APBA1: variants seen among roughly 807,000 people sequenced by gnomAD.
APBA1 encodes the protein amyloid beta precursor protein binding family A member 1.
APBA1 carries 55 observed loss-of-function variants against 86.6 expected under a neutral mutation model. The observed-to-expected ratio is 0.64, with a 90% CI of 0.51 to 0.80. The LOEUF (loss-of-function observed/expected upper bound fraction) is 0.80, where lower values mean the gene tolerates loss of function less well. Ranked by LOEUF, APBA1 falls within the 30% of genes least tolerant of loss-of-function variation. The pLI, the probability that APBA1 is intolerant of heterozygous loss-of-function variation, is 0.00. For missense variants in APBA1, 1,090 were observed against 1,183.0 expected, an observed-to-expected ratio of 0.92 and a Z score of 1.15; for synonymous variants, 511 against 493.9, an observed-to-expected ratio of 1.03 and a Z score of -0.46.
At chr9:69,594,005 T>C (rs1350974363) in intron 1 of APBA1, among the ~76,000 whole-genome samples, 1 of 152,182 alleles carries the variant, frequency 6.6e-6, no homozygotes, top group African/African-American at 2.4e-5. Context: ...GCGTTGGATC[T>C]TCTGGCGTTA....
At chr9:69,549,033 A>G (rs567140696) in intron 1 of APBA1, among the ~76,000 whole-genome samples, 2 of 152,356 alleles carry the variant, frequency 1.3e-5, no homozygotes, top group Non-Finnish European at 2.9e-5. Flanking sequence ...ATGGGCATGC[A>G]GGGAAATCAC....
chr9:69,661,422 A>T (rs1192100985), intron 1 of APBA1, among the ~76,000 whole-genome samples: 3 of 152,204 alleles, frequency 2.0e-5, no homozygotes, highest in Non-Finnish European at 4.4e-5. Flanking sequence ...TGGGAAGGGC[A>T]GGTTTCATCA....
intron 2 of APBA1, among the ~76,000 whole-genome samples, chr9:69,495,328 A>G (rs1034185531): frequency 6.6e-6 from 1 of 152,188 alleles, no homozygotes; most frequent in African/African-American, 2.4e-5. Context: ...GAAGCCTAGG[A>G]TCCACCTACC....
chr9:69,446,180 A>G (rs574377554), intron 10 of APBA1, among the ~76,000 whole-genome samples: 1 of 152,296 alleles, frequency 6.6e-6, no homozygotes, highest in Non-Finnish European at 1.5e-5. Context: ...AGAATTTTAA[A>G]AAGGTGATAC....
intron 11 of APBA1, 65 bp from the exon 12 acceptor site, chr9:69,432,741 T>A: frequency 2.9e-6 from 4 of 1,387,710 alleles, no homozygotes; most frequent in Non-Finnish European, 3.8e-6. Context: ...AAGGCCGTCT[T>A]TCCTGAAAGC....
intron 1 of APBA1, among the ~76,000 whole-genome samples, chr9:69,636,826 AGAGAGGGAGGGAGG>A (rs528493203): frequency 0.53 from 17,258 of 32,478 alleles, 5,228 homozygotes; most frequent in East Asian, 0.65. Context: ...AGAGAGAGAG[AGAGAGGGAGGGAGG>A]GAGGGAGGGA....
At chr9:69,510,052 T>C (rs2133880882) in intron 2 of APBA1, among the ~76,000 whole-genome samples, 1 of 117,400 alleles carries the variant, frequency 8.5e-6, no homozygotes, top group South Asian at 3.3e-4. Context: ...TTCAACATAG[T>C]GTTGGAAGTT....
rs755063291 is a variant in APBA1 at position 69,449,823 on chromosome 9, C to T, written c.1969-27G>A. 5.1e-5 allele frequency: 82 copies of T among 1,596,066 alleles called. 1 individual carries two copies. The East Asian group carries it at 1.8e-3, about 36-fold the overall frequency. ...TGGAAGGAGAAAAACATTTAGAAAA[C>T]CTCCATCAGTGACCATCTGGGGTAG... On this transcript the variant is annotated intron_variant, in intron 9 of 12. Coordinates refer to ENST00000265381, the MANE Select transcript of APBA1 (RefSeq NM_001163.4).
intron 1 of APBA1, among the ~76,000 whole-genome samples, chr9:69,647,793 G>A (rs1331924062): frequency 2.0e-5 from 3 of 152,218 alleles, no homozygotes; most frequent in African/African-American, 7.2e-5. Context: ...CAGCTAAAAT[G>A]TTTTCAACAG....
At chr9:69,532,215 T>C (rs1236756251) in intron 1 of APBA1, among the ~76,000 whole-genome samples, 2 of 152,188 alleles carry the variant, frequency 1.3e-5, no homozygotes, top group East Asian at 3.8e-4. Flanking sequence ...TACTTTCCAT[T>C]AAATTTTTCT....
chr9:69,583,656 C>A (rs1180387291), intron 1 of APBA1, among the ~76,000 whole-genome samples: 1 of 152,328 alleles, frequency 6.6e-6, no homozygotes, highest in African/African-American at 2.4e-5. Flanking sequence ...TCTAATTATA[C>A]AATTTTAAAA....
In APBA1 at chr9:69,659,052, A is replaced by T. The variant is rs542217439; in HGVS notation, c.-70+13101T>A. 8.5e-5 allele frequency among the ~76,000 whole-genome samples: 13 copies of T among 152,160 alleles called. No homozygotes were observed. In the South Asian group the frequency reaches 2.7e-3, roughly 32 times the overall value. On this transcript the variant is annotated intron_variant, in intron 1 of 12. Coordinates refer to ENST00000265381, the MANE Select transcript of APBA1 (RefSeq NM_001163.4). ...TCCCTTCCCAGTTTTTCCTAGGAGC[A>T]TCTCCTTAATAGAGCAGCACATATA...
intron 10 of APBA1, among the ~76,000 whole-genome samples, chr9:69,447,757 G>A (rs530596744): frequency 1.3e-5 from 2 of 152,212 alleles, no homozygotes; most frequent in African/African-American, 4.8e-5. Flanking sequence ...ACAGAATGCT[G>A]CCCCGAAGGC....
intron 1 of APBA1, among the ~76,000 whole-genome samples, chr9:69,637,092 T>C (rs1823194442): frequency 6.6e-6 from 1 of 152,174 alleles, no homozygotes; most frequent in African/African-American, 2.4e-5. Context: ...TGGAGGTATT[T>C]ACGTTAAGTG....
intron 1 of APBA1, among the ~76,000 whole-genome samples, chr9:69,637,121 A>G (rs1248192388): frequency 6.6e-6 from 1 of 152,202 alleles, no homozygotes; most frequent in African/African-American, 2.4e-5. Flanking sequence ...CAGACACAGA[A>G]AGATAAACTT....
chr9:69,622,530 T>C (rs1035003828), intron 1 of APBA1, among the ~76,000 whole-genome samples: 6 of 152,044 alleles, frequency 3.9e-5, no homozygotes, highest in African/African-American at 1.4e-4. Flanking sequence ...TCAAAGTCTG[T>C]TTTTATACCT....
At chr9:69,523,499 A>ATATATATATATATATATATATG (rs1836292482) in intron 1 of APBA1, among the ~76,000 whole-genome samples, 5 of 31,158 alleles carry the variant, frequency 1.6e-4, no homozygotes, top group African/African-American at 3.1e-4. Flanking sequence ...ATATATATGT[A>ATATATATATATATATATATATG]TATATATATA....
intron 4 of APBA1, among the ~76,000 whole-genome samples, chr9:69,470,689 G>A (rs1835352969): frequency 6.6e-6 from 1 of 152,172 alleles, no homozygotes; most frequent in South Asian, 2.1e-4. Context: ...AGGATCCAAA[G>A]TCCAGACACA....
At chr9:69,564,757 C>T (rs1836999162) in intron 1 of APBA1, among the ~76,000 whole-genome samples, 1 of 152,172 alleles carries the variant, frequency 6.6e-6, no homozygotes, top group African/African-American at 2.4e-5. Flanking sequence ...ACTTGGAAGA[C>T]TGTATGGCTG....
Sources: gnomAD v4.1 joint callset for allele counts (sites outside exome capture counted in the v4.1 genomes callset) on GRCh38, gnomAD v4.1.1 for gene constraint, MANE v1.5 for transcripts, NCBI Gene and HGNC (gene_info 2026-07-23, HGNC 2026-07-21) for gene names.